Variants in ADAMTS12 observed in about 807,000 individuals in gnomAD.
The protein encoded by ADAMTS12 is A disintegrin and metalloproteinase with thrombospondin motifs 12.
Under a neutral mutation model 167.8 loss-of-function variants are expected in ADAMTS12, and 118 were observed. That is an observed-to-expected ratio of 0.70 (90% confidence interval 0.61 to 0.82). ADAMTS12 has a LOEUF of 0.82. Among genes scored for constraint, ADAMTS12 ranks in the 40% least tolerant of loss-of-function variants. ADAMTS12 has a pLI of 0.00. For synonymous variants in ADAMTS12, 704 were observed against 716.9 expected, an observed-to-expected ratio of 0.98 and a Z score of 0.29; for missense variants, 1,916 against 1,998.8, an observed-to-expected ratio of 0.96 and a Z score of 0.79.
chr5:33,628,503 A>G (rs752246544), intron 13 of ADAMTS12, among the ~76,000 whole-genome samples: 2 of 152,218 alleles, frequency 1.3e-5, no homozygotes, highest in Non-Finnish European at 2.9e-5. Flanking sequence ...TTCCTTGACA[A>G]TAGAATCTGC....
intron 3 of ADAMTS12, among the ~76,000 whole-genome samples, chr5:33,728,263 G>A (rs780972353): frequency 9.2e-5 from 14 of 152,150 alleles, no homozygotes; most frequent in Non-Finnish European, 1.9e-4. Context: ...CATTTCAGCT[G>A]AAAATCCACA....
intron 20 of ADAMTS12, among the ~76,000 whole-genome samples, chr5:33,550,453 C>A (rs1219467411): frequency 6.6e-6 from 1 of 152,128 alleles, no homozygotes; most frequent in Non-Finnish European, 1.5e-5. Flanking sequence ...GAGGTGGGGA[C>A]CTGAGGTAGG....
intron 3 of ADAMTS12, among the ~76,000 whole-genome samples, chr5:33,718,569 C>T (rs1743694587): frequency 6.6e-6 from 1 of 152,166 alleles, no homozygotes; most frequent in Non-Finnish European, 1.5e-5. Context: ...CACCCCCTCC[C>T]AGTCCGTGGA....
At chr5:33,687,196 G>C (rs75475846) in intron 3 of ADAMTS12, among the ~76,000 whole-genome samples, 3,437 of 151,970 alleles carry the variant, frequency 0.023, 117 homozygotes, top group African/African-American at 0.078. Flanking sequence ...GTGGAAATGA[G>C]AGATGAGGTC....
chr5:33,747,090 TG>T (rs1478864479), intron 3 of ADAMTS12, among the ~76,000 whole-genome samples: 1 of 152,234 alleles, frequency 6.6e-6, no homozygotes, highest in Non-Finnish European at 1.5e-5. Flanking sequence ...GTAGCTCATC[TG>T]GGATATGTGC....
chr5:33,619,822 G>A (rs1739219213), intron 14 of ADAMTS12, among the ~76,000 whole-genome samples: 1 of 152,156 alleles, frequency 6.6e-6, no homozygotes, highest in Non-Finnish European at 1.5e-5. Context: ...AGCCTCCTGA[G>A]TAGCTGGGAC....
At chr5:33,853,407 A>C (rs1749289014) in intron 2 of ADAMTS12, among the ~76,000 whole-genome samples, 1 of 152,220 alleles carries the variant, frequency 6.6e-6, no homozygotes, top group African/African-American at 2.4e-5. Flanking sequence ...AGAATTAAAG[A>C]GCATGAGAAG....
At chr5:33,528,400 C>T (rs1324015637) in intron 23 of ADAMTS12, among the ~76,000 whole-genome samples, 1 of 152,186 alleles carries the variant, frequency 6.6e-6, no homozygotes, top group Non-Finnish European at 1.5e-5. Context: ...CCCACAACTA[C>T]TTTGGTACCC....
intron 2 of ADAMTS12, among the ~76,000 whole-genome samples, chr5:33,773,934 G>C (rs1745828088): frequency 6.6e-6 from 1 of 152,122 alleles, no homozygotes; most frequent in African/African-American, 2.4e-5. Flanking sequence ...TATTAGGTTG[G>C]TGCAAAAGTA....
intron 5 of ADAMTS12, among the ~76,000 whole-genome samples, chr5:33,670,673 C>T (rs1211176810): frequency 6.6e-6 from 1 of 152,062 alleles, no homozygotes; most frequent in Non-Finnish European, 1.5e-5. Flanking sequence ...ATCCGGGAGT[C>T]AGAGGTTGCG....
At chr5:33,658,440 T>C in intron 6 of ADAMTS12, 107 bp from the exon 7 acceptor site, 4 of 1,318,626 alleles carry the variant, frequency 3.0e-6, no homozygotes, top group South Asian at 1.6e-5. Context: ...CTGTAAAGTA[T>C]GCTTGGCATT....
Position 33,662,022 on chromosome 5 carries a change from G to A in ADAMTS12, c.934C>T (p.His312Tyr). ...EEEEQGLKIV[H>Y]HAEKTLSSFC... ...CTAGACAGTGTCTTTTCTGCATGGT[G>A]AACTATTTTCAGTCCTTGCTGGAGA... is the stretch of plus-strand genomic sequence containing the variant. Residue 312 changes from histidine to tyrosine, a missense_variant, in exon 6 of 24, where the codon CAC becomes TAC. Coordinates refer to ENST00000504830, the MANE Select transcript of ADAMTS12 (RefSeq NM_030955.4). 1.9e-6 allele frequency: 3 copies of A among 1,611,186 alleles called. No individual in the cohort carries two copies. Among genetic ancestry groups the A allele is most frequent in the South Asian group, 1.1e-5 (1 of 91,032 alleles).
chr5:33,589,460 G>T (rs1435411740), intron 17 of ADAMTS12, among the ~76,000 whole-genome samples: 1 of 151,738 alleles, frequency 6.6e-6, no homozygotes, highest in Non-Finnish European at 1.5e-5. Flanking sequence ...TATTCTCACT[G>T]GTCCCTTTGA....
At chr5:33,865,274 C>A (rs1749776148) in intron 2 of ADAMTS12, among the ~76,000 whole-genome samples, 1 of 152,058 alleles carries the variant, frequency 6.6e-6, no homozygotes, top group South Asian at 2.1e-4. Flanking sequence ...AAAGATAATA[C>A]ACCATGATCA....
chr5:33,533,362 GAA>G (rs938049612), intron 23 of ADAMTS12, among the ~76,000 whole-genome samples: 1 of 152,184 alleles, frequency 6.6e-6, no homozygotes, highest in African/African-American at 2.4e-5. Context: ...GAAATGAAAG[GAA>G]AAGAGTCTCA....
chr5:33,759,638 T>C (rs1195911915), intron 2 of ADAMTS12, among the ~76,000 whole-genome samples: 1 of 152,224 alleles, frequency 6.6e-6, no homozygotes, highest in African/African-American at 2.4e-5. Context: ...TATCCTGAAG[T>C]ATGGTTAACA....
Position 33,527,028 on chromosome 5 carries a change from A to T in ADAMTS12, c.*160T>A, listed in dbSNP as rs2111711011. 1.1e-6 allele frequency: 1 copy of T among 937,608 alleles called. No individual in the cohort carries two copies. Among genetic ancestry groups the T allele is most frequent in the East Asian group, 2.5e-5 (1 of 40,560 alleles). 58.1% of individuals were successfully genotyped at this position (937,608 alleles called of 1,614,324 possible). ...GCAGCCTAGGCCTCCTGTGAGGGAC[A>T]TTCGGTGGCTAGAGGAACACAATGG... On this transcript the variant is annotated 3_prime_UTR_variant, in exon 24 of 24. Coordinates refer to ENST00000504830, the MANE Select transcript of ADAMTS12 (RefSeq NM_030955.4).
intron 3 of ADAMTS12, among the ~76,000 whole-genome samples, chr5:33,725,830 A>G (rs377038828): frequency 6.6e-6 from 1 of 152,180 alleles, no homozygotes; most frequent in South Asian, 2.1e-4. Flanking sequence ...ATAAATACAA[A>G]TTCTTGGGTT....
intron 3 of ADAMTS12, among the ~76,000 whole-genome samples, chr5:33,732,689 GAAATATAAA>G: frequency 6.6e-6 from 1 of 152,230 alleles, no homozygotes; most frequent in South Asian, 2.1e-4. Flanking sequence ...TGTTGCTTTG[GAAATATAAA>G]TTAGTGTTAC....
Sources: allele counts gnomAD v4.1 joint callset (sites outside exome capture counted in the v4.1 genomes callset), GRCh38; gene constraint gnomAD v4.1.1; transcripts MANE v1.5; gene names NCBI Gene and HGNC (gene_info 2026-07-23, HGNC 2026-07-21).